Variants in ARHGEF3 observed in about 807,000 individuals in gnomAD.
ARHGEF3 encodes Rho guanine nucleotide exchange factor 3, also known as 59.8 kDA protein.
ARHGEF3 carries 28 observed loss-of-function variants against 63.2 expected under a neutral mutation model. The observed-to-expected ratio is 0.44, with a 90% CI of 0.33 to 0.61. ARHGEF3 has a LOEUF of 0.61. ARHGEF3 is among the 20% of genes least tolerant of loss of function. The pLI is 0.03. For synonymous variants in ARHGEF3, 266 were observed against 254.2 expected, an observed-to-expected ratio of 1.05 and a Z score of -0.44; for missense variants, 533 against 659.3, an observed-to-expected ratio of 0.81 and a Z score of 2.10.
At chr3:56,764,443 G>T (rs1030368103) in intron 2 of ARHGEF3, among the ~76,000 whole-genome samples, 1 of 152,122 alleles carries the variant, frequency 6.6e-6, no homozygotes, top group African/African-American at 2.4e-5. Context: ...TTTAAATCCT[G>T]CCAAACTTCA....
chr3:56,922,646 T>C (rs1313460148), intron 3 of ARHGEF3, among the ~76,000 whole-genome samples: 2 of 152,206 alleles, frequency 1.3e-5, no homozygotes, highest in Non-Finnish European at 2.9e-5. Flanking sequence ...TTTCTCACCA[T>C]TATTTTGACT....
chr3:57,061,899 G>A (rs1705241092), intron 1 of ARHGEF3, among the ~76,000 whole-genome samples: 1 of 152,212 alleles, frequency 6.6e-6, no homozygotes, highest in South Asian at 2.1e-4. Flanking sequence ...ATCAGTATCT[G>A]AGCCCGCATA....
chr3:57,051,165 T>C (rs1704652679), intron 1 of ARHGEF3, among the ~76,000 whole-genome samples: 1 of 152,232 alleles, frequency 6.6e-6, no homozygotes, highest in Admixed American at 6.5e-5. Flanking sequence ...TGGTACATAC[T>C]ATGAGTAATC....
intron 4 of ARHGEF3, among the ~76,000 whole-genome samples, chr3:56,879,163 G>T (rs948165851): frequency 1.3e-5 from 2 of 152,184 alleles, no homozygotes; most frequent in Non-Finnish European, 2.9e-5. Context: ...AATAATAATA[G>T]AAATAAAGTA....
At chr3:57,022,625 T>A (rs1471034248) in intron 2 of ARHGEF3, among the ~76,000 whole-genome samples, 1 of 152,108 alleles carries the variant, frequency 6.6e-6, no homozygotes, top group African/African-American at 2.4e-5. Context: ...TACCCAAACA[T>A]AGACACTACC....
chr3:57,062,865 T>A (rs918999540), intron 1 of ARHGEF3, among the ~76,000 whole-genome samples: 13 of 152,254 alleles, frequency 8.5e-5, no homozygotes, highest in African/African-American at 2.9e-4. Context: ...CAAATTATTG[T>A]CTGTACCAGG....
chr3:56,985,238 G>A (rs1381629534), intron 2 of ARHGEF3, among the ~76,000 whole-genome samples: 2 of 152,156 alleles, frequency 1.3e-5, no homozygotes, highest in African/African-American at 4.8e-5. Flanking sequence ...ATAGGTGCCC[G>A]CCACCATGAC....
chr3:56,913,120 G>A (rs1366808598), intron 3 of ARHGEF3, among the ~76,000 whole-genome samples: 9 of 150,998 alleles, frequency 6.0e-5, no homozygotes, highest in South Asian at 2.1e-4. Flanking sequence ...GCCTGGGCTC[G>A]AGCAAGGCAG....
At chr3:56,923,690 T>A (rs576869801) in intron 3 of ARHGEF3, among the ~76,000 whole-genome samples, 2 of 152,298 alleles carry the variant, frequency 1.3e-5, no homozygotes, top group African/African-American at 4.8e-5. Flanking sequence ...CCAAGAGATT[T>A]AAAAGCATGT....
At chr3:56,814,911 T>C (rs1379392147) in intron 4 of ARHGEF3, among the ~76,000 whole-genome samples, 3 of 152,104 alleles carry the variant, frequency 2.0e-5, no homozygotes, top group African/African-American at 2.4e-5. Context: ...GGAGGATCAC[T>C]AGAGCCCAGG....
intron 1 of ARHGEF3, chr3:57,075,254 C>T (rs1301548052): frequency 6.0e-6 from 1 of 167,094 alleles, no homozygotes; most frequent in Non-Finnish European, 1.5e-5. Flanking sequence ...GGCCACTCTC[C>T]CTCACATCTT....
chr3:56,809,997 G>A (rs767283724), intron 4 of ARHGEF3, among the ~76,000 whole-genome samples: 2 of 151,772 alleles, frequency 1.3e-5, no homozygotes, highest in Non-Finnish European at 2.9e-5. Flanking sequence ...CCTCCCAAAG[G>A]GATTACAGAC....
intron 4 of ARHGEF3, among the ~76,000 whole-genome samples, chr3:56,838,675 A>G (rs1257722974): frequency 2.0e-5 from 3 of 152,188 alleles, no homozygotes; most frequent in Non-Finnish European, 4.4e-5. Flanking sequence ...CAGCTTAGTA[A>G]TGAGAGGGGA....
chr3:56,775,975 T>C (rs779121367), intron 1 of ARHGEF3, among the ~76,000 whole-genome samples: 19 of 152,170 alleles, frequency 1.2e-4, no homozygotes, highest in Non-Finnish European at 2.5e-4. Context: ...CCGCTGACTC[T>C]GAGTCTTTCT....
At chr3:56,769,982 T>C (rs910020868) in intron 2 of ARHGEF3, among the ~76,000 whole-genome samples, 3 of 152,136 alleles carry the variant, frequency 2.0e-5, no homozygotes, top group African/African-American at 7.2e-5. Context: ...GCTGATACAC[T>C]CTTTGTTCTC....
chr3:57,044,461 A>C (rs1704359876), intron 1 of ARHGEF3, among the ~76,000 whole-genome samples: 1 of 152,192 alleles, frequency 6.6e-6, no homozygotes, highest in Non-Finnish European at 1.5e-5. Flanking sequence ...TTCTAAACAC[A>C]GTGTCAAGAT....
At chr3:56,904,534 T>C (rs2041624764) in intron 3 of ARHGEF3, among the ~76,000 whole-genome samples, 1 of 152,226 alleles carries the variant, frequency 6.6e-6, no homozygotes, top group African/African-American at 2.4e-5. Context: ...CTAATTACCA[T>C]ATTTTAATAA....
At chr3:56,945,256 G>A (rs536261212) in intron 3 of ARHGEF3, among the ~76,000 whole-genome samples, 66 of 152,228 alleles carry the variant, frequency 4.3e-4, no homozygotes, top group African/African-American at 1.6e-3. Flanking sequence ...ACTGGGGAGT[G>A]TTGGAAAGTG....
chr3:57,062,058 G>A (rs1473181756), intron 1 of ARHGEF3, among the ~76,000 whole-genome samples: 2 of 152,144 alleles, frequency 1.3e-5, no homozygotes, highest in Non-Finnish European at 2.9e-5. Context: ...AGAGAGTGGG[G>A]CAGGGATGCT....
Sources: allele counts gnomAD v4.1 joint callset (sites outside exome capture counted in the v4.1 genomes callset), GRCh38; gene constraint gnomAD v4.1.1; transcripts MANE v1.5; gene names NCBI Gene and HGNC (gene_info 2026-07-23, HGNC 2026-07-21).